The following TRABD2A variants were observed in gnomAD, a reference collection of about 807,000 sequenced individuals.
The protein encoded by TRABD2A is metalloprotease TIKI1.
A neutral mutation model predicts 45.6 loss-of-function variants in TRABD2A; 43 were observed. The ratio of observed to expected loss-of-function variants is 0.94; its 90% CI spans 0.74 to 1.22. The LOEUF is 1.22. TRABD2A is among the 50% of genes most tolerant of loss of function. The pLI is 0.00. For missense variants in TRABD2A, 642 were observed against 652.4 expected (o/e 0.98, Z 0.17); for synonymous variants, 269 against 265.0 (o/e 1.02, Z -0.15).
intron 1 of TRABD2A, among the ~76,000 whole-genome samples, chr2:84,876,351 G>A (rs1382324541): frequency 6.6e-6 from 1 of 150,946 alleles, no homozygotes; most frequent in East Asian, 1.9e-4. Context: ...AAGAAGTCTG[G>A]GGAAAGAAGA....
At chr2:84,880,691 C>A (rs1341880553) in intron 1 of TRABD2A, among the ~76,000 whole-genome samples, 1 of 152,234 alleles carries the variant, frequency 6.6e-6, no homozygotes, top group Non-Finnish European at 1.5e-5. Context: ...CGCCCTTGGG[C>A]TGGCGGAGGG....
intron 3 of TRABD2A, among the ~76,000 whole-genome samples, chr2:84,839,783 T>C (rs1358371258): frequency 6.6e-6 from 1 of 152,274 alleles, no homozygotes; most frequent in African/African-American, 2.4e-5. Flanking sequence ...ACTTTACATT[T>C]TCATTATTTC....
intron 2 of TRABD2A, among the ~76,000 whole-genome samples, chr2:84,855,950 C>T (rs1682287027): frequency 6.6e-6 from 1 of 152,194 alleles, no homozygotes; most frequent in African/African-American, 2.4e-5. Context: ...CAAAGACCTG[C>T]TCTGCATATG....
At chr2:84,852,602 G>A (rs1396657172) in intron 2 of TRABD2A, among the ~76,000 whole-genome samples, 1 of 152,170 alleles carries the variant, frequency 6.6e-6, no homozygotes, top group Non-Finnish European at 1.5e-5. Context: ...GGGTGGAGGA[G>A]GGTGTTGCAG....
At chr2:84,875,743 C>T (rs1178433087) in intron 1 of TRABD2A, among the ~76,000 whole-genome samples, 1 of 152,156 alleles carries the variant, frequency 6.6e-6, no homozygotes, top group African/African-American at 2.4e-5. Context: ...AGCACGGTGC[C>T]TCATGCCTGT....
intron 2 of TRABD2A, among the ~76,000 whole-genome samples, chr2:84,861,407 T>C (rs1682493759): frequency 6.6e-6 from 1 of 152,086 alleles, no homozygotes; most frequent in Non-Finnish European, 1.5e-5. Flanking sequence ...GGCATCAGAT[T>C]TTCATAAGGA....
intron 2 of TRABD2A, among the ~76,000 whole-genome samples, chr2:84,848,612 G>C (rs1681985677): frequency 6.6e-6 from 1 of 150,892 alleles, no homozygotes; most frequent in African/African-American, 2.4e-5. Context: ...GTCTTGCTGT[G>C]TCACCTAGGC....
At chr2:84,871,274 C>T (rs1299818093) in intron 1 of TRABD2A, among the ~76,000 whole-genome samples, 1 of 152,258 alleles carries the variant, frequency 6.6e-6, no homozygotes. Flanking sequence ...TACCTGATAC[C>T]ATCTAAGAGA....
intron 5 of TRABD2A, among the ~76,000 whole-genome samples, chr2:84,825,517 G>A (rs1681121112): frequency 6.6e-6 from 1 of 152,216 alleles, no homozygotes; most frequent in African/African-American, 2.4e-5. Context: ...CTGGAGGACA[G>A]GGCTTAATAT....
intron 2 of TRABD2A, among the ~76,000 whole-genome samples, chr2:84,853,396 C>A (rs1682165324): frequency 1.3e-5 from 2 of 152,092 alleles, no homozygotes. Flanking sequence ...CACATGGCAG[C>A]AGGAAGGAGA....
rs1178670712 is a variant in TRABD2A at position 84,839,350 on chromosome 2, A to T, written c.817-27T>A. On this transcript the variant is annotated intron_variant, in intron 3 of 6. Coordinates refer to ENST00000409520, the MANE Select transcript of TRABD2A (RefSeq NM_001277053.2). ...TCCACCAAAATAAAGAGAAAAAAAA[A>T]TAAGGGGCAACAGAGTTATTAACAA... The T allele has an allele frequency of 2.6e-6, 4 of 1,562,898 alleles. No individual in the cohort carries two copies. The South Asian group carries it at 3.5e-5, about 14-fold the overall frequency.
intron 1 of TRABD2A, among the ~76,000 whole-genome samples, chr2:84,876,919 A>T (rs1162572863): frequency 1.3e-5 from 2 of 152,194 alleles, no homozygotes; most frequent in African/African-American, 2.4e-5. Flanking sequence ...TTTTATGCCA[A>T]GGGCTGTATC....
At chr2:84,835,785 A>G (rs1225057471) in intron 4 of TRABD2A, 3 of 152,040 alleles carry the variant, frequency 2.0e-5, no homozygotes, top group African/African-American at 2.4e-5. Flanking sequence ...GGTGGAAGGC[A>G]CAAGGGCAAA....
chr2:84,821,726 G>T lies in TRABD2A; in HGVS notation c.*191C>A, dbSNP rs1242704147. Reference sequence around the variant, plus strand: ...ACACAACTCACTATGTTACAAAACTGTACACCTGCCCCCAAAGTTGGATAA... The same window carrying T: ...ACACAACTCACTATGTTACAAAACTTTACACCTGCCCCCAAAGTTGGATAA... On this transcript the variant is annotated 3_prime_UTR_variant, in exon 7 of 7. Coordinates refer to ENST00000409520, the MANE Select transcript of TRABD2A (RefSeq NM_001277053.2). 2.1e-6 allele frequency: 1 copy of T among 466,560 alleles called. No homozygotes were observed. The highest frequency in any genetic ancestry group is 4.1e-5 in the Admixed American group (1 of 24,258). 28.9% of individuals were successfully genotyped at this position (466,560 alleles called of 1,614,324 possible). A position where few individuals can be genotyped will look rare whatever the true frequency, so the allele number is the denominator to read the frequency against.
intron 2 of TRABD2A, among the ~76,000 whole-genome samples, chr2:84,857,814 A>C (rs925430535): frequency 6.6e-6 from 1 of 152,132 alleles, no homozygotes. Flanking sequence ...CTACCCAGCC[A>C]CACTCAGCGG....
chr2:84,832,865 A>G (rs968782097), intron 4 of TRABD2A: 13 of 152,280 alleles, frequency 8.5e-5, no homozygotes, highest in African/African-American at 3.1e-4. Context: ...TGCTCTCTGA[A>G]AAAACAGGGA....
intron 1 of TRABD2A, among the ~76,000 whole-genome samples, chr2:84,873,222 C>T (rs1212062936): frequency 2.0e-5 from 3 of 151,590 alleles, no homozygotes; most frequent in Non-Finnish European, 4.4e-5. Flanking sequence ...GGAGTTCAAG[C>T]CTGTCCAACA....
intron 5 of TRABD2A, 129 bp from the exon 6 acceptor site, chr2:84,824,333 G>C: frequency 2.3e-6 from 3 of 1,316,148 alleles, no homozygotes; most frequent in Middle Eastern, 4.7e-4. Flanking sequence ...GGCCAGGAAG[G>C]GCAGAAATTA....
intron 5 of TRABD2A, among the ~76,000 whole-genome samples, chr2:84,828,447 G>A (rs1681211889): frequency 6.6e-6 from 1 of 152,210 alleles, no homozygotes; most frequent in Non-Finnish European, 1.5e-5. Context: ...GAAGGAAACA[G>A]GTATCCCTCC....
Sources: gnomAD v4.1 joint callset for allele counts (sites outside exome capture counted in the v4.1 genomes callset) on GRCh38, gnomAD v4.1.1 for gene constraint, MANE v1.5 for transcripts, NCBI Gene and HGNC (gene_info 2026-07-23, HGNC 2026-07-21) for gene names.